Variants in MAP4K4 observed in about 807,000 individuals in gnomAD.
MAP4K4 encodes mitogen-activated protein kinase kinase kinase kinase 4.
A neutral mutation model predicts 189.6 loss-of-function variants in MAP4K4; 38 were observed. The observed-to-expected ratio is 0.20, with a 90% CI of 0.15 to 0.26. The LOEUF is 0.26. Among genes scored for constraint, MAP4K4 ranks in the 10% least tolerant of loss-of-function variants. The pLI, the probability that MAP4K4 is intolerant of heterozygous loss-of-function variation, is 1.00. For missense variants in MAP4K4, 1,054 were observed against 1,726.9 expected (o/e 0.61, Z 6.91); for synonymous variants, 610 against 624.3 (o/e 0.98, Z 0.34).
chr2:101,859,656 G>C (rs374370469), exon 15 of MAP4K4: 1 of 1,607,686 alleles, frequency 6.2e-7, no homozygotes, highest in Non-Finnish European at 8.5e-7. Context: ...TGCCGATGGC[G>C]GGAGATGGAG....
At chr2:101,796,386 C>G (rs2093692222) in intron 3 of MAP4K4, among the ~76,000 whole-genome samples, 1 of 152,104 alleles carries the variant, frequency 6.6e-6, no homozygotes, top group Non-Finnish European at 1.5e-5. Flanking sequence ...TTTAATGGAG[C>G]CTTGGGAAAG....
chr2:101,859,649 C>T lies in MAP4K4; in HGVS notation c.1489C>T (p.Arg497Ter), dbSNP rs1002037530. 1.9e-6 allele frequency: 3 copies of T among 1,604,704 alleles called. No individual in the cohort carries two copies. Among genetic ancestry groups the T allele is most frequent in the Non-Finnish European group, 2.6e-6 (3 of 1,175,176 alleles). The stretch of plus-strand genomic sequence containing the variant: ...TATCCTCTCCCTCTCCAAGGAGTGC[C>T]GATGGCGGGAGATGGAGGAGCACCG... Residue 497 changes from arginine to a stop codon, truncating the protein, a stop_gained, in exon 15 of 33, where the codon CGA (arginine) becomes TGA (stop). Transcript: ENST00000324219. LOFTEE classifies it high-confidence loss of function.
At chr2:101,702,982 TG>T (rs1158096868) in intron 2 of MAP4K4, among the ~76,000 whole-genome samples, 1 of 152,074 alleles carries the variant, frequency 6.6e-6, no homozygotes, top group Non-Finnish European at 1.5e-5. Flanking sequence ...CCTTTGGGAA[TG>T]GTAGAAAGGT....
At chr2:101,794,161 G>A (rs1558955592) in intron 3 of MAP4K4, among the ~76,000 whole-genome samples, 1 of 152,146 alleles carries the variant, frequency 6.6e-6, no homozygotes, top group Non-Finnish European at 1.5e-5. Flanking sequence ...GATGGTATTA[G>A]GATAGCAGAT....
intron 2 of MAP4K4, among the ~76,000 whole-genome samples, chr2:101,740,854 TTAG>T (rs1429482695): frequency 6.6e-6 from 1 of 152,196 alleles, no homozygotes; most frequent in Non-Finnish European, 1.5e-5. Flanking sequence ...AATTCTCTCC[TTAG>T]TCCTCTCCTT....
chr2:101,862,265 AAAAG>A, intron 16 of MAP4K4: 2 of 150,986 alleles, frequency 1.3e-5, no homozygotes, highest in South Asian at 2.1e-4. Flanking sequence ...AAAAAAAAAA[AAAAG>A]GAACAGCTAG....
At chr2:101,750,204 T>C (rs2068030337) in intron 2 of MAP4K4, among the ~76,000 whole-genome samples, 1 of 148,216 alleles carries the variant, frequency 6.7e-6, no homozygotes, top group South Asian at 2.2e-4. Flanking sequence ...TAAAGACACA[T>C]GCACACATAT....
At chr2:101,769,051 A>G (rs1451136997) in intron 2 of MAP4K4, among the ~76,000 whole-genome samples, 15 of 152,218 alleles carry the variant, frequency 9.9e-5, no homozygotes, top group Admixed American at 9.2e-4. Flanking sequence ...GATGAGAAAG[A>G]AAACCTTTGC....
chr2:101,778,929 CCT>C, intron 2 of MAP4K4, among the ~76,000 whole-genome samples: 1 of 152,226 alleles, frequency 6.6e-6, no homozygotes, highest in Non-Finnish European at 1.5e-5. Flanking sequence ...CCACCTCACC[CCT>C]CTTTCTAGCT....
rs528204343 is a variant in MAP4K4 at position 101,861,135 on chromosome 2, A to G, written c.1866+149A>G. On this transcript the variant is annotated intron_variant, in intron 16 of 32. Transcript: ENST00000324219. ...GTGAGTTTAGACTAAAAGAAGGCAT[A>G]GACTCAGTTGATAGGGAAATATCTT... is the stretch of plus-strand genomic sequence containing the variant. 73 of 666,160 alleles carry G rather than the reference A, an allele frequency of 1.1e-4. No homozygotes were observed. In the African/African-American group the frequency reaches 1.2e-3, roughly 11 times the overall value. 41.3% of individuals were successfully genotyped at this position (666,160 alleles called of 1,614,324 possible).
chr2:101,758,156 A>C (rs561581989), intron 2 of MAP4K4, among the ~76,000 whole-genome samples: 1 of 152,244 alleles, frequency 6.6e-6, no homozygotes, highest in Non-Finnish European at 1.5e-5. Context: ...AACCATGGAA[A>C]ATGAAACCTC....
At chr2:101,761,517 A>G (rs2076378126) in intron 2 of MAP4K4, among the ~76,000 whole-genome samples, 1 of 150,344 alleles carries the variant, frequency 6.7e-6, no homozygotes, top group Non-Finnish European at 1.5e-5. Context: ...CTTTACAGGC[A>G]GGTAATTCAG....
At chr2:101,762,552 A>T (rs2076928249) in intron 2 of MAP4K4, among the ~76,000 whole-genome samples, 1 of 152,168 alleles carries the variant, frequency 6.6e-6, no homozygotes, top group Non-Finnish European at 1.5e-5. Context: ...CCATCTGCTG[A>T]GTTGTCAGCT....
intron 2 of MAP4K4, among the ~76,000 whole-genome samples, chr2:101,703,340 C>T (rs1439673937): frequency 2.0e-5 from 3 of 152,030 alleles, no homozygotes; most frequent in Non-Finnish European, 4.4e-5. Context: ...GGTTTGCCCA[C>T]AGTATTAGGA....
At chr2:101,866,689 A>G in intron 19 of MAP4K4, 110 bp downstream of exon 19, 2 of 1,331,292 alleles carry the variant, frequency 1.5e-6, no homozygotes, top group East Asian at 2.4e-5. Flanking sequence ...TCACAAAACA[A>G]TGTTTTAGCA....
intron 28 of MAP4K4, 95 bp downstream of exon 28, chr2:101,882,780 A>G (rs2098420204): frequency 4.8e-6 from 6 of 1,242,286 alleles, no homozygotes; most frequent in East Asian, 4.9e-5. Flanking sequence ...GAAGTTTGTA[A>G]TAATAAACTT....
chr2:101,721,529 G>C (rs1002918998), intron 2 of MAP4K4, among the ~76,000 whole-genome samples: 2 of 149,802 alleles, frequency 1.3e-5, no homozygotes, highest in African/African-American at 2.5e-5. Flanking sequence ...TCCGCCTCCC[G>C]GGTTCAAGCG....
intron 2 of MAP4K4, among the ~76,000 whole-genome samples, chr2:101,771,656 G>A (rs1189368433): frequency 1.3e-5 from 2 of 152,096 alleles, no homozygotes; most frequent in Non-Finnish European, 2.9e-5. Context: ...GTGCACGGAG[G>A]CCGCGCAATG....
At chr2:101,714,777 TAA>T (rs1559061508) in intron 2 of MAP4K4, among the ~76,000 whole-genome samples, 5 of 152,320 alleles carry the variant, frequency 3.3e-5, no homozygotes, top group African/African-American at 9.6e-5. Flanking sequence ...AACTCTCTGG[TAA>T]AAGAATGTAT....
Sources: allele counts gnomAD v4.1 joint callset (sites outside exome capture counted in the v4.1 genomes callset), GRCh38; gene constraint gnomAD v4.1.1; transcripts MANE v1.5; gene names NCBI Gene and HGNC (gene_info 2026-07-23, HGNC 2026-07-21).